C4orf36: variants seen among roughly 807,000 people sequenced by gnomAD.
C4orf36 encodes uncharacterized protein C4orf36.
Under a neutral mutation model 12.2 loss-of-function variants are expected in C4orf36, and 11 were observed. That is an observed-to-expected ratio of 0.90 (90% CI 0.57 to 1.49). The LOEUF is 1.49. Among genes scored for constraint, C4orf36 ranks in the 40% most tolerant of loss-of-function variants. The pLI is 0.00. For synonymous variants in C4orf36, 54 were observed against 51.3 expected, an observed-to-expected ratio of 1.05 and a Z score of -0.22; for missense variants, 137 against 133.9, an observed-to-expected ratio of 1.02 and a Z score of -0.11.
the C4orf36 span, among the ~76,000 whole-genome samples, chr4:86,899,802 G>C: frequency 0.46 from 69,302 of 152,006 alleles, 17,284 homozygotes; most frequent in South Asian, 0.68. Context: ...CTGCAGTCCA[G>C]CATGGGAAAT....
intron 2 of C4orf36, among the ~76,000 whole-genome samples, chr4:86,889,006 A>T (rs1360834289): frequency 4.6e-5 from 7 of 152,198 alleles, no homozygotes; most frequent in Non-Finnish European, 1.5e-5. Context: ...AAAAATGTAT[A>T]AGAGTGTTCA....
chr4:86,887,853 A>T lies in C4orf36; in HGVS notation c.261T>A (p.Cys87Ter). 1 of 1,614,216 alleles carries T rather than the reference A, an allele frequency of 6.2e-7. No individual in the cohort carries two copies. Among genetic ancestry groups the T allele is most frequent in the Non-Finnish European group, 8.5e-7 (1 of 1,180,024 alleles). ...ATGTATTTTCTTGACACTTCAGTTT[A>T]CAAAGACGCTTCACTTCATACTCCC... is the stretch of plus-strand genomic sequence containing the variant. ...LEREYEVKRL[C>*]KLKCQENTSK... The change falls in exon 4 of 5, where the codon TGT becomes TGA. Residue 87 changes from cysteine (C) to a stop codon, truncating the protein, a stop_gained. Transcript: ENST00000295898. LOFTEE classifies it high-confidence loss of function.
chr4:86,890,644 G>A (rs111939744), intron 2 of C4orf36, among the ~76,000 whole-genome samples: 156 of 152,218 alleles, frequency 1.0e-3, no homozygotes, highest in African/African-American at 3.6e-3. Context: ...TTATAATCCC[G>A]TAGGGAATCC....
At chr4:86,919,724 A>G in the C4orf36 span, among the ~76,000 whole-genome samples, 5 of 152,076 alleles carry the variant, frequency 3.3e-5, no homozygotes, top group African/African-American at 1.2e-4. Context: ...AGATCCTAAA[A>G]ATATTTTTCT....
chr4:86,920,853 C>T, the C4orf36 span, among the ~76,000 whole-genome samples: 4 of 152,068 alleles, frequency 2.6e-5, no homozygotes, highest in African/African-American at 7.2e-5. Context: ...AATATATGGC[C>T]GGGCATGGTG....
intron 2 of C4orf36, chr4:86,890,199 GAGGGAGGGAGGAAGGAAGGAAGGA>G (rs1428881609): frequency 4.1e-6 from 1 of 245,724 alleles, no homozygotes; most frequent in Non-Finnish European, 8.7e-6. Context: ...GGGAGGGAGG[GAGGGAGGGAGGAAGGAAGGAAGGA>G]AGGAAGGAAG....
the C4orf36 span, among the ~76,000 whole-genome samples, chr4:86,920,888 T>G: frequency 6.6e-6 from 1 of 151,926 alleles, no homozygotes; most frequent in Non-Finnish European, 1.5e-5. Context: ...TCCCAGCACT[T>G]TGTGGGGCCG....
chr4:86,883,662 G>T (rs1747098172), intron 4 of C4orf36, among the ~76,000 whole-genome samples: 1 of 152,126 alleles, frequency 6.6e-6, no homozygotes, highest in Admixed American at 6.5e-5. Flanking sequence ...TTTGAAGAAA[G>T]GCACCCAGGT....
intron 2 of C4orf36, chr4:86,890,297 G>T: frequency 2.7e-6 from 1 of 368,574 alleles, no homozygotes; most frequent in South Asian, 1.9e-5. Context: ...TGTGAAGTTG[G>T]GATCTGAACC....
At chr4:86,895,305 C>A (rs990156022), upstream of C4orf36, among the ~76,000 whole-genome samples, 1 of 151,940 alleles carries the variant, frequency 6.6e-6, no homozygotes, top group African/African-American at 2.4e-5. Flanking sequence ...CAGAATGAGA[C>A]CCTGTCTCAA....
chr4:86,922,414 G>C, the C4orf36 span, among the ~76,000 whole-genome samples: 2 of 152,124 alleles, frequency 1.3e-5, no homozygotes, highest in African/African-American at 2.4e-5. Flanking sequence ...AAAAGGGAGG[G>C]TAACACTGTG....
intron 4 of C4orf36, among the ~76,000 whole-genome samples, chr4:86,879,503 A>G (rs1746996344): frequency 6.6e-6 from 1 of 152,182 alleles, no homozygotes; most frequent in Non-Finnish European, 1.5e-5. Flanking sequence ...AAGCAAAAAG[A>G]AAGAATGAAG....
chr4:86,914,290 C>A, the C4orf36 span: 12 of 1,600,334 alleles, frequency 7.5e-6, no homozygotes, highest in Non-Finnish European at 9.4e-6. Context: ...CCACAAGTGA[C>A]GATGCGGTCG....
At chr4:86,891,425 C>T in intron 2 of C4orf36, 31 bp downstream of exon 2, 1 of 1,497,834 alleles carries the variant, frequency 6.7e-7, no homozygotes, top group South Asian at 1.1e-5. Context: ...TCAATGCTTA[C>T]CCTGATTTAA....
chr4:86,876,536 G>A (rs1691724115), intron 4 of C4orf36, 93 bp from the exon 5 acceptor site: 2 of 1,613,794 alleles, frequency 1.2e-6, no homozygotes, highest in East Asian at 2.2e-5. Flanking sequence ...ATTGTGTGAA[G>A]CTATTGTACA....
At chr4:86,916,771 CAG>C in the C4orf36 span, among the ~76,000 whole-genome samples, 1 of 152,200 alleles carries the variant, frequency 6.6e-6, no homozygotes, top group Non-Finnish European at 1.5e-5. Context: ...TGGTATTCCA[CAG>C]AGCACTGCTT....
the C4orf36 span, among the ~76,000 whole-genome samples, chr4:86,908,630 C>T: frequency 2.0e-5 from 3 of 151,494 alleles, no homozygotes; most frequent in Admixed American, 6.6e-5. Flanking sequence ...CCCTCCCTCC[C>T]CCTCCTCAAC....
intron 4 of C4orf36, among the ~76,000 whole-genome samples, chr4:86,881,083 T>C (rs114004005): frequency 3.1e-3 from 475 of 151,262 alleles, no homozygotes; most frequent in African/African-American, 0.011. Context: ...TTCTATAGTA[T>C]TGTAAGTAGT....
chr4:86,876,358 G>T lies in C4orf36; in HGVS notation c.*88C>A, dbSNP rs1746927228. 2 of 1,578,826 alleles carry T rather than the reference G, an allele frequency of 1.3e-6. No individual in the cohort carries two copies. The highest frequency in any genetic ancestry group is 1.7e-6 in the Non-Finnish European group (2 of 1,164,526). On this transcript the variant is annotated 3_prime_UTR_variant, in exon 5 of 5. Coordinates refer to ENST00000295898, the MANE Select transcript of C4orf36 (RefSeq NM_144645.4). ...GATGGCTGCAGCGCAGCGACGGCCGGGGCCGGGAGCGGGTCCTGGGCGGCC... is the reference window on the plus strand; with the variant it reads ...GATGGCTGCAGCGCAGCGACGGCCGTGGCCGGGAGCGGGTCCTGGGCGGCC...
Sources: gnomAD v4.1 joint callset for allele counts (sites outside exome capture counted in the v4.1 genomes callset) on GRCh38, gnomAD v4.1.1 for gene constraint, MANE v1.5 for transcripts, NCBI Gene and HGNC (gene_info 2026-07-23, HGNC 2026-07-21) for gene names.